The following FGF14 variants were observed in gnomAD, a reference collection of about 807,000 sequenced individuals.
FGF14 encodes the protein fibroblast growth factor homologous factor 4.
A neutral mutation model predicts 25.5 loss-of-function variants in FGF14; 5 were observed. That is an observed-to-expected ratio of 0.20 (90% CI 0.10 to 0.41). The LOEUF is 0.41. Ranked by LOEUF, FGF14 falls within the 10% of genes least tolerant of loss-of-function variation. FGF14 has a pLI of 1.00. For missense variants in FGF14, 222 were observed against 320.1 expected (o/e 0.69, Z 2.34); for synonymous variants, 138 against 118.3 (o/e 1.17, Z -1.08).
chr13:102,116,915 C>G (rs953939135), intron 1 of FGF14, among the ~76,000 whole-genome samples: 2 of 152,220 alleles, frequency 1.3e-5, no homozygotes, highest in African/African-American at 4.8e-5. Context: ...CCTCCCAGCA[C>G]CAACACTGAA....
chr13:102,110,082 A>C (rs1174008199), intron 1 of FGF14, among the ~76,000 whole-genome samples: 1 of 152,204 alleles, frequency 6.6e-6, no homozygotes, highest in African/African-American at 2.4e-5. Context: ...TGTATTCCGT[A>C]ATCATAAAAT....
chr13:102,143,590 G>A (rs532204902), intron 1 of FGF14, among the ~76,000 whole-genome samples: 2 of 152,064 alleles, frequency 1.3e-5, no homozygotes, highest in African/African-American at 4.8e-5. Context: ...CTAAGAAATT[G>A]ACCTATTGAG....
At chr13:102,215,180 T>C (rs2050319553) in intron 1 of FGF14, among the ~76,000 whole-genome samples, 1 of 152,210 alleles carries the variant, frequency 6.6e-6, no homozygotes, top group South Asian at 2.1e-4. Context: ...ACAGGTTAAT[T>C]GCTCCCACTC....
At chr13:101,780,619 G>A (rs899386034) in intron 3 of FGF14, among the ~76,000 whole-genome samples, 19 of 152,244 alleles carry the variant, frequency 1.2e-4, no homozygotes, top group African/African-American at 4.3e-4. Flanking sequence ...TTTGTTTGAA[G>A]TCAGGTGGGG....
intron 1 of FGF14, among the ~76,000 whole-genome samples, chr13:102,157,095 C>T (rs964922904): frequency 4.6e-5 from 7 of 152,094 alleles, no homozygotes; most frequent in South Asian, 4.1e-4. Context: ...AGGTCATTTA[C>T]AGATTCAATG....
chr13:101,965,211 T>G, intron 1 of FGF14, among the ~76,000 whole-genome samples: 1 of 150,462 alleles, frequency 6.6e-6, no homozygotes. Flanking sequence ...ATCAAGTCAC[T>G]GCACTCCAGC....
Position 102,161,565 on chromosome 13 carries a change from T to A in FGF14, c.208+239906A>T, listed in dbSNP as rs534066520. Among the ~76,000 whole-genome samples the A allele has an allele frequency of 1.8e-3, 181 of 97,926 alleles. 22 individuals carry two copies. Among genetic ancestry groups the A allele is most frequent in the South Asian group, 5.2e-3 (14 of 2,690 alleles). 64.2% of individuals were successfully genotyped at this position (97,926 alleles called of 152,430 possible). A position where few individuals can be genotyped will look rare whatever the true frequency, so the allele number is the denominator to read the frequency against. On this transcript the variant is annotated intron_variant, in intron 1 of 4. Transcript: ENST00000376131. ...TATTCTCTATGCAACCAACTTTCTG[T>A]GAAGAAAGAAAGAAGAAGAAGAAGA...
chr13:102,385,190 T>C (rs1006820614), intron 1 of FGF14, among the ~76,000 whole-genome samples: 2 of 152,228 alleles, frequency 1.3e-5, no homozygotes, highest in East Asian at 1.9e-4. Context: ...ACTGACTACA[T>C]ATTTTTTCTT....
intron 1 of FGF14, among the ~76,000 whole-genome samples, chr13:102,024,088 T>C (rs1255479999): frequency 6.6e-6 from 1 of 152,140 alleles, no homozygotes; most frequent in African/African-American, 2.4e-5. Flanking sequence ...CTGTAAAATT[T>C]ATGTACAAGT....
At chr13:102,003,741 G>GAAGC (rs1304494788) in intron 1 of FGF14, among the ~76,000 whole-genome samples, 1 of 151,014 alleles carries the variant, frequency 6.6e-6, no homozygotes, top group Non-Finnish European at 1.5e-5. Flanking sequence ...AATACCTGAA[G>GAAGC]AAGCAAGGCC....
chr13:102,275,132 A>G (rs1431683885), intron 1 of FGF14, among the ~76,000 whole-genome samples: 2 of 151,988 alleles, frequency 1.3e-5, no homozygotes, highest in Non-Finnish European at 2.9e-5. Context: ...TTCATAGCAA[A>G]TGACAGAGAT....
chr13:101,993,113 G>A (rs1205027672), intron 1 of FGF14, among the ~76,000 whole-genome samples: 2 of 151,098 alleles, frequency 1.3e-5, no homozygotes, highest in African/African-American at 2.4e-5. Flanking sequence ...CAGAAATGAT[G>A]ATAAGGATTA....
chr13:102,324,498 T>C (rs776980550), intron 1 of FGF14, among the ~76,000 whole-genome samples: 3 of 152,178 alleles, frequency 2.0e-5, no homozygotes, highest in Non-Finnish European at 4.4e-5. Flanking sequence ...TCATAAACAA[T>C]ACCTAGCTTT....
intron 3 of FGF14, among the ~76,000 whole-genome samples, chr13:101,767,126 T>C (rs7334753): frequency 0.49 from 74,674 of 152,054 alleles, 18,901 homozygotes; most frequent in East Asian, 0.84. Flanking sequence ...CGTAGGCCTT[T>C]ACATATCACA....
At chr13:101,801,005 A>G (rs2040838485) in intron 3 of FGF14, among the ~76,000 whole-genome samples, 2 of 152,188 alleles carry the variant, frequency 1.3e-5, no homozygotes, top group Admixed American at 1.3e-4. Flanking sequence ...CATTCTCTTT[A>G]AAAGGAATAT....
chr13:102,183,127 A>C (rs1164959591), intron 1 of FGF14, among the ~76,000 whole-genome samples: 1 of 152,164 alleles, frequency 6.6e-6, no homozygotes, highest in Non-Finnish European at 1.5e-5. Flanking sequence ...AGCGCTATAT[A>C]AAAAACATAT....
chr13:102,397,306 A>G (rs2058607772), intron 1 of FGF14, among the ~76,000 whole-genome samples: 1 of 152,212 alleles, frequency 6.6e-6, no homozygotes, highest in South Asian at 2.1e-4. Context: ...GTGAAAGGCA[A>G]AAGCAGAGCT....
chr13:101,997,179 C>G (rs754100902), intron 1 of FGF14, among the ~76,000 whole-genome samples: 44 of 152,158 alleles, frequency 2.9e-4, no homozygotes, highest in Non-Finnish European at 5.6e-4. Flanking sequence ...CTGTCTTTCC[C>G]CGGTAGAAAA....
chr13:101,821,660 G>A (rs1023855824), intron 3 of FGF14, among the ~76,000 whole-genome samples: 4 of 152,178 alleles, frequency 2.6e-5, no homozygotes, highest in East Asian at 3.8e-4. Flanking sequence ...GCCAATAGCC[G>A]TATATGAGAG....
Sources: allele counts gnomAD v4.1 joint callset (sites outside exome capture counted in the v4.1 genomes callset), GRCh38; gene constraint gnomAD v4.1.1; transcripts MANE v1.5; gene names NCBI Gene and HGNC (gene_info 2026-07-23, HGNC 2026-07-21).